Variants in ASTN2 observed in about 807,000 individuals in gnomAD.
ASTN2 encodes the protein astrotactin-2.
ASTN2 carries 54 observed loss-of-function variants against 139.8 expected under a neutral mutation model. The observed-to-expected ratio is 0.39, with a 90% CI of 0.31 to 0.48. ASTN2 has a LOEUF of 0.48. Ranked by LOEUF, ASTN2 falls within the 20% of genes least tolerant of loss-of-function variation. The probability of loss-of-function intolerance (pLI) is 0.95; values close to 1 mark genes in which losing one functional copy is unlikely to be tolerated. For missense variants in ASTN2, 1,565 were observed against 1,725.1 expected, an observed-to-expected ratio of 0.91 and a Z score of 1.64; for synonymous variants, 756 against 719.5, an observed-to-expected ratio of 1.05 and a Z score of -0.81.
At chr9:116,797,582 G>T (rs1001273353) in intron 13 of ASTN2, among the ~76,000 whole-genome samples, 2 of 152,208 alleles carry the variant, frequency 1.3e-5, no homozygotes, top group Non-Finnish European at 2.9e-5. Flanking sequence ...TTTGCTAAGA[G>T]CTTGAATACT....
chr9:116,573,298 A>G (rs763610782), intron 19 of ASTN2, among the ~76,000 whole-genome samples: 3 of 152,206 alleles, frequency 2.0e-5, no homozygotes, highest in African/African-American at 7.2e-5. Flanking sequence ...CAATTGGTCG[A>G]AAGTGTGTTC....
chr9:117,339,307 A>T (rs1422704558), intron 1 of ASTN2, among the ~76,000 whole-genome samples: 1 of 152,096 alleles, frequency 6.6e-6, no homozygotes. Context: ...CGCTCTTTCC[A>T]CTATGCCACA....
At chr9:117,094,339 C>T (rs975734279) in intron 5 of ASTN2, among the ~76,000 whole-genome samples, 1 of 151,964 alleles carries the variant, frequency 6.6e-6, no homozygotes, top group Non-Finnish European at 1.5e-5. Context: ...CTGTAGCTTG[C>T]TTTTGCTTTT....
chr9:117,075,587 G>A (rs1008373433), intron 5 of ASTN2, among the ~76,000 whole-genome samples: 2 of 152,104 alleles, frequency 1.3e-5, no homozygotes, highest in Non-Finnish European at 2.9e-5. Context: ...ACTACAGGGA[G>A]AATGGGAATT....
Position 117,296,751 on chromosome 9 carries a change from C to T in ASTN2, c.443-5238G>A, listed in dbSNP as rs1441715047. On this transcript the variant is annotated intron_variant, in intron 1 of 22. Coordinates refer to ENST00000313400, the MANE Select transcript of ASTN2 (RefSeq NM_001365068.1). ...GTAGGCTGACTCCAGTGCCTGCCTCCCTCCCACCCTGGATAGCTTGGTTTT... is the reference window on the plus strand; with the variant it reads ...GTAGGCTGACTCCAGTGCCTGCCTCTCTCCCACCCTGGATAGCTTGGTTTT... Among the ~76,000 whole-genome samples the T allele has an allele frequency of 2.6e-5, 4 of 152,192 alleles. No homozygotes were observed. In the East Asian group the frequency reaches 7.7e-4, roughly 29 times the overall value.
intron 2 of ASTN2, among the ~76,000 whole-genome samples, chr9:117,270,942 T>C (rs1834048747): frequency 6.6e-6 from 1 of 152,364 alleles, no homozygotes; most frequent in African/African-American, 2.4e-5. Context: ...CCTTGTTTTC[T>C]AAGATCTTCT....
At chr9:116,833,042 C>A (rs962463469) in intron 11 of ASTN2, among the ~76,000 whole-genome samples, 7 of 151,612 alleles carry the variant, frequency 4.6e-5, no homozygotes, top group Non-Finnish European at 1.0e-4. Flanking sequence ...GGATTTGGAG[C>A]TGAGGGGAGG....
At chr9:116,733,653 G>T in intron 13 of ASTN2, 130 bp from the exon 14 acceptor site, 1 of 1,204,322 alleles carries the variant, frequency 8.3e-7, no homozygotes, top group Non-Finnish European at 1.2e-6. Flanking sequence ...AATGCCTCTG[G>T]TTTCCTGAAT....
intron 20 of ASTN2, among the ~76,000 whole-genome samples, chr9:116,451,114 G>A (rs1439125871): frequency 3.3e-5 from 5 of 152,114 alleles, no homozygotes; most frequent in African/African-American, 9.7e-5. Context: ...GCCAAGTCTG[G>A]AAACCAGTGT....
In ASTN2 at chr9:116,620,450, A is replaced by G; in HGVS notation, c.3073-7T>C. 1 of 1,613,946 alleles carries G rather than the reference A, an allele frequency of 6.2e-7. No individual in the cohort carries two copies. The highest frequency in any genetic ancestry group is 1.1e-5 in the South Asian group (1 of 91,072). ...TCAGTGCACTCTTGAAGGCCTGGAC[A>G]AAAAAAGAGGACAGAATAGACAATG... On this transcript the variant is annotated splice_polypyrimidine_tract_variant and splice_region_variant and intron_variant, in intron 17 of 22. Coordinates refer to ENST00000313400, the MANE Select transcript of ASTN2 (RefSeq NM_001365068.1).
chr9:117,186,455 G>C (rs1375830519), intron 3 of ASTN2, among the ~76,000 whole-genome samples: 1 of 152,136 alleles, frequency 6.6e-6, no homozygotes, highest in African/African-American at 2.4e-5. Flanking sequence ...GCTGAAGCAG[G>C]AGAATGGTGC....
At chr9:116,486,927 C>T (rs953924272) in intron 20 of ASTN2, among the ~76,000 whole-genome samples, 6 of 151,992 alleles carry the variant, frequency 3.9e-5, no homozygotes, top group Non-Finnish European at 5.9e-5. Context: ...GCATATATAT[C>T]TCAGTATGCG....
intron 13 of ASTN2, among the ~76,000 whole-genome samples, chr9:116,756,731 C>T (rs1370157371): frequency 6.6e-6 from 1 of 151,422 alleles, no homozygotes; most frequent in Admixed American, 6.6e-5. Flanking sequence ...CTCTCTCATT[C>T]TTTGTTATCT....
chr9:117,101,818 C>T (rs113344663), intron 4 of ASTN2, among the ~76,000 whole-genome samples: 39 of 152,198 alleles, frequency 2.6e-4, no homozygotes, highest in African/African-American at 7.9e-4. Context: ...AAATGCAAAC[C>T]GAAACCATAG....
At chr9:117,180,019 A>C (rs1251543609) in intron 3 of ASTN2, among the ~76,000 whole-genome samples, 1 of 152,174 alleles carries the variant, frequency 6.6e-6, no homozygotes, top group African/African-American at 2.4e-5. Context: ...TCTGCAGCAA[A>C]GCTTTGAATA....
chr9:117,127,176 C>A (rs1227036942), intron 4 of ASTN2, among the ~76,000 whole-genome samples: 1 of 152,194 alleles, frequency 6.6e-6, no homozygotes, highest in African/African-American at 2.4e-5. Context: ...GTATAATTAC[C>A]TACTCTTGAA....
chr9:116,834,484 C>G (rs1345571427), intron 11 of ASTN2, among the ~76,000 whole-genome samples: 2 of 152,168 alleles, frequency 1.3e-5, no homozygotes, highest in Non-Finnish European at 2.9e-5. Flanking sequence ...TTGTTTGATG[C>G]ATAAACATTT....
At chr9:116,851,475 T>TATCTATCTA (rs1554754222) in intron 11 of ASTN2, among the ~76,000 whole-genome samples, 25 of 45,666 alleles carry the variant, frequency 5.5e-4, no homozygotes, top group African/African-American at 2.2e-3. Context: ...GCTAAACATC[T>TATCTATCTA]ATCTATCTAT....
chr9:116,858,801 A>G (rs910392456), intron 11 of ASTN2, among the ~76,000 whole-genome samples: 1 of 152,186 alleles, frequency 6.6e-6, no homozygotes, highest in East Asian at 1.9e-4. Flanking sequence ...TAGCATAATT[A>G]TTTATATATT....
Sources: allele counts gnomAD v4.1 joint callset (sites outside exome capture counted in the v4.1 genomes callset), GRCh38; gene constraint gnomAD v4.1.1; transcripts MANE v1.5; gene names NCBI Gene and HGNC (gene_info 2026-07-23, HGNC 2026-07-21).